PCBP3: variants seen among roughly 807,000 people sequenced by gnomAD.
PCBP3 encodes poly(rC) binding protein 3.
PCBP3 carries 25 observed loss-of-function variants against 52.7 expected under a neutral mutation model. The ratio of observed to expected loss-of-function variants is 0.47; its 90% CI spans 0.35 to 0.66. PCBP3 has a LOEUF of 0.66. Ranked by LOEUF, PCBP3 falls within the 30% of genes least tolerant of loss-of-function variation. PCBP3 has a pLI of 0.01. For missense variants in PCBP3, 391 were observed against 490.3 expected, an observed-to-expected ratio of 0.80 and a Z score of 1.91; for synonymous variants, 162 against 183.0, an observed-to-expected ratio of 0.89 and a Z score of 0.93.
intron 2 of PCBP3, among the ~76,000 whole-genome samples, chr21:45,675,728 G>A (rs889105621): frequency 7.2e-5 from 11 of 152,156 alleles, no homozygotes; most frequent in Admixed American, 3.3e-4. Context: ...GGGCTCATAA[G>A]GTCAAAACTG....
intron 5 of PCBP3, among the ~76,000 whole-genome samples, chr21:45,877,973 C>G (rs1314296659): frequency 2.6e-5 from 4 of 152,250 alleles, no homozygotes; most frequent in African/African-American, 9.6e-5. Flanking sequence ...CAGGGAGCTT[C>G]CTGTGTCCTC....
intron 3 of PCBP3, among the ~76,000 whole-genome samples, chr21:45,738,546 G>A (rs1256378142): frequency 2.6e-5 from 4 of 152,172 alleles, no homozygotes; most frequent in Non-Finnish European, 4.4e-5. Context: ...GAGCCACTGC[G>A]CCTGGCCTAG....
At chr21:45,911,920 C>G (rs1031777884) in intron 11 of PCBP3, among the ~76,000 whole-genome samples, 1 of 152,260 alleles carries the variant, frequency 6.6e-6, no homozygotes, top group African/African-American at 2.4e-5. Flanking sequence ...CTGGTTAGGG[C>G]GAAAGTGCCA....
intron 6 of PCBP3, among the ~76,000 whole-genome samples, chr21:45,897,056 A>C (rs544456766): frequency 7.2e-4 from 109 of 152,336 alleles, no homozygotes; most frequent in Non-Finnish European, 1.1e-3. Flanking sequence ...CGGACATGGC[A>C]CGCAGAACCT....
chr21:45,808,293 C>T (rs928520286), intron 4 of PCBP3, among the ~76,000 whole-genome samples: 6 of 152,090 alleles, frequency 3.9e-5, no homozygotes, highest in Non-Finnish European at 8.8e-5. Flanking sequence ...GCAATCTATC[C>T]ATCTGACAAA....
intron 2 of PCBP3, among the ~76,000 whole-genome samples, chr21:45,690,787 T>C (rs1421617046): frequency 6.6e-6 from 1 of 152,088 alleles, no homozygotes; most frequent in Non-Finnish European, 1.5e-5. Flanking sequence ...CATTAGTCTT[T>C]AGGAAAATAA....
chr21:45,847,409 T>G (rs1437787541), intron 4 of PCBP3, among the ~76,000 whole-genome samples: 2 of 152,250 alleles, frequency 1.3e-5, no homozygotes, highest in African/African-American at 4.8e-5. Flanking sequence ...TACCCTCACT[T>G]TCTCTTTTAG....
At chr21:45,824,713 G>A (rs528621596) in intron 4 of PCBP3, among the ~76,000 whole-genome samples, 263 of 152,322 alleles carry the variant, frequency 1.7e-3, no homozygotes, top group South Asian at 2.9e-3. Flanking sequence ...GGTGTTGGTA[G>A]CAGTAACGGT....
chr21:45,725,437 G>T (rs1046552858), intron 2 of PCBP3, among the ~76,000 whole-genome samples: 3 of 152,236 alleles, frequency 2.0e-5, no homozygotes, highest in Non-Finnish European at 2.9e-5. Context: ...AGGCACAGAT[G>T]CCCTGGGCCT....
chr21:45,740,903 AC>A (rs763330231), intron 3 of PCBP3, among the ~76,000 whole-genome samples: 1 of 152,208 alleles, frequency 6.6e-6, no homozygotes, highest in Admixed American at 6.5e-5. Context: ...CAGTAGAGAT[AC>A]GGTTGACATA....
At chr21:45,939,954 C>T in intron 16 of PCBP3, 76 bp from the exon 17 acceptor site, 1 of 1,392,664 alleles carries the variant, frequency 7.2e-7, no homozygotes. Context: ...CACCGGCCCC[C>T]TCGGGCGCAC....
chr21:45,819,646 C>G lies in PCBP3; in HGVS notation c.-125-30315C>G, dbSNP rs1417040351. On this transcript the variant is annotated intron_variant, in intron 4 of 17. Transcript: ENST00000681687. ...TTGATGGTAGTGTAGATTCTACAGT[C>G]TTCCCCAGGTGCTATCTTGGCTGAG... is the stretch of plus-strand genomic sequence containing the variant. 2.0e-5 allele frequency among the ~76,000 whole-genome samples: 3 copies of G among 152,038 alleles called. No homozygotes were observed. In the East Asian group the frequency reaches 5.8e-4, roughly 29 times the overall value.
intron 2 of PCBP3, among the ~76,000 whole-genome samples, chr21:45,713,695 C>T (rs543843398): frequency 1.6e-4 from 25 of 152,312 alleles, no homozygotes; most frequent in Admixed American, 2.0e-4. Flanking sequence ...ACAGGCTGCA[C>T]GCACTCCTTA....
At chr21:45,664,872 G>GT (rs1249418244) in intron 1 of PCBP3, among the ~76,000 whole-genome samples, 1 of 149,972 alleles carries the variant, frequency 6.7e-6, no homozygotes, top group African/African-American at 2.5e-5. Context: ...GCGGTGTTTG[G>GT]TTTTTTGTTC....
At chr21:45,766,755 A>G (rs2089368036) in intron 4 of PCBP3, among the ~76,000 whole-genome samples, 1 of 152,166 alleles carries the variant, frequency 6.6e-6, no homozygotes, top group Non-Finnish European at 1.5e-5. Flanking sequence ...CTCAACAGGA[A>G]AGGTGTGTAG....
At chr21:45,665,151 CAGCATT>C (rs1052325974) in intron 1 of PCBP3, among the ~76,000 whole-genome samples, 22 of 151,926 alleles carry the variant, frequency 1.4e-4, no homozygotes, top group South Asian at 4.2e-4. Flanking sequence ...CCTATAATTC[CAGCATT>C]TTGGGAGGCC....
chr21:45,667,675 T>G (rs1157398173), intron 1 of PCBP3, among the ~76,000 whole-genome samples: 1 of 152,160 alleles, frequency 6.6e-6, no homozygotes. Context: ...GGGAACAGTT[T>G]CTATTGATTG....
intron 4 of PCBP3, among the ~76,000 whole-genome samples, chr21:45,806,475 C>T (rs1046037057): frequency 6.6e-6 from 1 of 151,108 alleles, no homozygotes; most frequent in Admixed American, 6.6e-5. Flanking sequence ...CCAATGCAGT[C>T]CTCCTACTTT....
intron 5 of PCBP3, among the ~76,000 whole-genome samples, chr21:45,892,494 TCACGGGG>T (rs2095700312): frequency 2.1e-5 from 3 of 141,994 alleles, no homozygotes; most frequent in African/African-American, 2.7e-5. Context: ...GTCCCGTCTC[TCACGGGG>T]CGTGGAGGGC....
Sources: gnomAD v4.1 joint callset for allele counts (sites outside exome capture counted in the v4.1 genomes callset) on GRCh38, gnomAD v4.1.1 for gene constraint, MANE v1.5 for transcripts, NCBI Gene and HGNC (gene_info 2026-07-23, HGNC 2026-07-21) for gene names.